The following DDX3X variants were observed in gnomAD, a reference collection of about 807,000 sequenced individuals.
The protein encoded by DDX3X is ATP-dependent RNA helicase DDX3X.
In DDX3X, 4 loss-of-function variants were observed where a neutral mutation model predicts 52.7. The observed-to-expected ratio is 0.08, with a 90% CI of 0.04 to 0.17. DDX3X has a LOEUF of 0.17. Ranked by LOEUF, DDX3X falls within the 10% of genes least tolerant of loss-of-function variation. DDX3X has a pLI of 1.00. For missense variants in DDX3X, 222 were observed against 548.6 expected (o/e 0.40, Z 5.95); for synonymous variants, 192 against 178.1 (o/e 1.08, Z -0.62).
intron 5 of DDX3X, among the ~76,000 whole-genome samples, chrX:41,359,890 G>A (rs1309771792): frequency 1.8e-5 from 2 of 109,906 alleles, no homozygotes; most frequent in Non-Finnish European, 3.8e-5. Context: ...GCTGAGGCAG[G>A]AGAATGGCGT....
intron 5 of DDX3X, among the ~76,000 whole-genome samples, chrX:41,363,297 C>T (rs1276453505): frequency 9.1e-6 from 1 of 110,442 alleles, no homozygotes; most frequent in African/African-American, 3.3e-5. Context: ...TGGTGGCAGG[C>T]GCCTGTAGTC....
chrX:41,334,229 C>T lies in DDX3X; in HGVS notation c.-24C>T, dbSNP rs760537966. ...AACACTCGCTTAGCAGCGGAAGACT[C>T]CGAGTTCTCGGTACTCTTCAGGGAT... is the stretch of plus-strand genomic sequence containing the variant. On this transcript the variant is annotated 5_prime_UTR_variant, in exon 1 of 17. Coordinates refer to ENST00000644876, the MANE Select transcript of DDX3X (RefSeq NM_001356.5). 2.5e-6 allele frequency: 3 copies of T among 1,204,211 alleles called. No individual in the cohort carries two copies. Among genetic ancestry groups the T allele is most frequent in the Admixed American group, 2.2e-5 (1 of 45,717 alleles).
Position 41,348,967 on chromosome X carries a change from A to G in DDX3X, c.*1248A>G, listed in dbSNP as rs1207592176. 8.9e-6 allele frequency: 1 copy of G among 112,143 alleles called. No individual in the cohort carries two copies. The highest frequency in any genetic ancestry group is 3.3e-5 in the African/African-American group (1 of 30,765). 9.2% of individuals were successfully genotyped at this position (112,143 alleles called of 1,213,427 possible). A position where few individuals can be genotyped will look rare whatever the true frequency, so the allele number is the denominator to read the frequency against. ...GTCAGTTTTAGTTGCATAGGTTTCC[A>G]TTGTATTTATAGTCTGTTTATGCTA... is the stretch of plus-strand genomic sequence containing the variant. On this transcript the variant is annotated 3_prime_UTR_variant, in exon 17 of 17. Transcript: ENST00000644876.
rs59380932 is a variant in DDX3X at position 41,358,065 on chromosome X, CTTTTTTTTTTTTTTTT to C, written c.655-6195_655-6180del. 7.5e-3 allele frequency: 344 copies of C among 45,930 alleles called. 9 individuals are homozygous for C. In the South Asian group the frequency reaches 0.082, roughly 11 times the overall value. 3.8% of individuals were successfully genotyped at this position (45,930 alleles called of 1,213,427 possible). On this transcript the variant is annotated intron_variant, in intron 5 of 5. Coordinates refer to the DDX3X transcript ENST00000616050. ...CCTATCTGGGACAGAGATAGACACTCTTTTTTTTTTTTTTTTTTTTTTTTTTTTTGAGATGGAGTTT... is the reference window on the plus strand; with the variant it reads ...CCTATCTGGGACAGAGATAGACACTCTTTTTTTTTTTTTGAGATGGAGTTT...
At chrX:41,356,677 G>A (rs2064010594) in intron 5 of DDX3X, among the ~76,000 whole-genome samples, 1 of 108,558 alleles carries the variant, frequency 9.2e-6, no homozygotes, top group South Asian at 4.0e-4. Flanking sequence ...TGTTGGTCAG[G>A]GTGGTCTTGA....
chrX:41,347,221 G>A, intron 15 of DDX3X, 91 bp from the exon 16 acceptor site: 1 of 1,057,139 alleles, frequency 9.5e-7, no homozygotes, highest in Non-Finnish European at 1.3e-6. Flanking sequence ...TTGTTTGAAT[G>A]GAAAAATTAG....
Position 41,334,310 on chromosome X carries a change from A to C in DDX3X, c.45+13A>C. ...GCTGGACCAGCAGGTGAGCCGCAAG[A>C]ACCCCACCGGGCTGGCTGCTGCGTG... On this transcript the variant is annotated intron_variant, in intron 1 of 16. Coordinates refer to ENST00000644876, the MANE Select transcript of DDX3X (RefSeq NM_001356.5). 8.3e-7 allele frequency: 1 copy of C among 1,209,950 alleles called. No homozygotes were observed. Among genetic ancestry groups the C allele is most frequent in the Non-Finnish European group, 1.1e-6 (1 of 894,318 alleles).
rs2063942325 is a variant in DDX3X, at chrX:41,347,495, T to A, written c.1909+44T>A. ...TTCATAGCTTTGGGAAGGGTTTTTTTCCTTTTAGTCATCTTTTTCAAAGCC... is the reference window on the plus strand; with the variant it reads ...TTCATAGCTTTGGGAAGGGTTTTTTACCTTTTAGTCATCTTTTTCAAAGCC... On this transcript the variant is annotated intron_variant, in intron 16 of 16. Coordinates refer to ENST00000644876, the MANE Select transcript of DDX3X (RefSeq NM_001356.5). 8 of 1,192,009 alleles carry A rather than the reference T, an allele frequency of 6.7e-6. No individual in the cohort carries two copies. In the East Asian group the frequency reaches 2.4e-4, roughly 35 times the overall value.
At chrX:41,352,090 A>G (rs1290819674), downstream of DDX3X, among the ~76,000 whole-genome samples, 2 of 110,432 alleles carry the variant, frequency 1.8e-5, no homozygotes, top group African/African-American at 6.5e-5. Flanking sequence ...TGGAAACAAA[A>G]ATGTCCCTCA....
chrX:41,339,268 G>A, intron 3 of DDX3X, 185 bp downstream of exon 3: 1 of 218,306 alleles, frequency 4.6e-6, no homozygotes, highest in Non-Finnish European at 8.7e-6. Context: ...GTTACGCAGT[G>A]GGAAATTCGG....
At chrX:41,345,755 A>G (rs757740329) in intron 12 of DDX3X, 12 of 394,796 alleles carry the variant, frequency 3.0e-5, no homozygotes, top group East Asian at 8.4e-5. Context: ...GTTGATGCCA[A>G]ACTTAGTGTG....
At position 41,347,802 on chromosome X, in the gene DDX3X, T is replaced by G; in HGVS notation, c.*83T>G. On this transcript the variant is annotated 3_prime_UTR_variant, in exon 17 of 17. Coordinates refer to ENST00000644876, the MANE Select transcript of DDX3X (RefSeq NM_001356.5). Reference sequence around the variant, plus strand: ...TTAGCCAGACTATACCTTGTGTAGCTTCAAGAACTCGCAGTACATTACCAG... The same window carrying G: ...TTAGCCAGACTATACCTTGTGTAGCGTCAAGAACTCGCAGTACATTACCAG... 1.5e-6 allele frequency: 1 copy of G among 652,342 alleles called. No homozygotes were observed. The highest frequency in any genetic ancestry group is 3.5e-5 in the Admixed American group (1 of 28,543). 53.8% of individuals were successfully genotyped at this position (652,342 alleles called of 1,213,427 possible).
intron 5 of DDX3X, chrX:41,358,065 C>A (rs867720931): frequency 1.7e-4 from 8 of 45,958 alleles, no homozygotes; most frequent in Non-Finnish European, 7.0e-5. Context: ...GATAGACACT[C>A]TTTTTTTTTT....
downstream of DDX3X, among the ~76,000 whole-genome samples, chrX:41,352,409 T>C (rs1459579094): frequency 9.0e-6 from 1 of 111,556 alleles, no homozygotes; most frequent in African/African-American, 3.3e-5. Context: ...TTCACTTCCT[T>C]TTCCACTCAT....
rs986153207 is a variant in DDX3X at position 41,344,183 on chromosome X, T to C, written c.864+55T>C. 1.1e-5 allele frequency: 13 copies of C among 1,190,584 alleles called. No homozygotes were observed. The African/African-American group carries it at 2.3e-4, about 21-fold the overall frequency. On this transcript the variant is annotated intron_variant, in intron 9 of 16. Transcript: ENST00000644876. ...TTTTCATTGATTCTAATTAAATGTT[T>C]TATGAACATGTAAAAATTTTGACCT...
chrX:41,334,670 C>T (rs1051041150), intron 1 of DDX3X: 2 of 1,039,409 alleles, frequency 1.9e-6, no homozygotes, highest in Admixed American at 2.8e-5. Context: ...ACTGGAGGCC[C>T]TTTTGGCTTG....
intron 5 of DDX3X, among the ~76,000 whole-genome samples, chrX:41,356,785 G>A (rs1341112649): frequency 9.1e-6 from 1 of 110,337 alleles, no homozygotes; most frequent in Non-Finnish European, 1.9e-5. Context: ...CAAAAAGAAT[G>A]TTCTTTCTCC....
Position 41,337,422 on chromosome X carries a change from C to T in DDX3X, c.60C>T (p.Asp20=). Residue 20 remains aspartate, a synonymous_variant, in exon 2 of 17, where the codon GAC becomes GAT. Transcript: ENST00000644876. ...LGLDQQFAGL[D]LNSSDNQSGG... is the part of the protein sequence containing the mutation. ...CTCTCTTCTAGTTTGCTGGCCTAGA[C>T]CTGAACTCTTCAGATAATCAGAGTG... 1 of 1,209,481 alleles carries T rather than the reference C, an allele frequency of 8.3e-7. No homozygotes were observed. Among genetic ancestry groups the T allele is most frequent in the Non-Finnish European group, 1.1e-6 (1 of 894,097 alleles).
chrX:41,351,032 CAT>C (rs921742741), downstream of DDX3X: 1 of 111,885 alleles, frequency 8.9e-6, no homozygotes, highest in African/African-American at 3.2e-5. Flanking sequence ...AATTTTGACA[CAT>C]GGCCATATGT....
Sources: allele counts gnomAD v4.1 joint callset (sites outside exome capture counted in the v4.1 genomes callset), GRCh38; gene constraint gnomAD v4.1.1; transcripts MANE v1.5; gene names NCBI Gene and HGNC (gene_info 2026-07-23, HGNC 2026-07-21).